KLF8: variants seen among roughly 807,000 people sequenced by gnomAD.
KLF8 encodes the protein Krueppel-like factor 8.
KLF8 carries 10 observed loss-of-function variants against 18.2 expected under a neutral mutation model. The observed-to-expected ratio is 0.55, with a 90% CI of 0.34 to 0.93. The LOEUF (loss-of-function observed/expected upper bound fraction) is 0.93, where lower values mean the gene tolerates loss of function less well. Among genes scored for constraint, KLF8 ranks in the 40% least tolerant of loss-of-function variants. The pLI, the probability that KLF8 is intolerant of heterozygous loss-of-function variation, is 0.02. For missense variants in KLF8, 264 were observed against 277.9 expected, an observed-to-expected ratio of 0.95 and a Z score of 0.36; for synonymous variants, 109 against 97.3, an observed-to-expected ratio of 1.12 and a Z score of -0.71.
chrX:56,141,322 G>A, the KLF8 span, among the ~76,000 whole-genome samples: 1 of 111,638 alleles, frequency 9.0e-6, no homozygotes, highest in South Asian at 3.7e-4. Flanking sequence ...ATTTTCCTAT[G>A]AATTTCCAAT....
the KLF8 span, among the ~76,000 whole-genome samples, chrX:56,031,822 G>A: frequency 9.0e-6 from 1 of 111,410 alleles, no homozygotes; most frequent in South Asian, 3.9e-4. Context: ...CAAAATCCGA[G>A]CTCCCCGAGT....
the KLF8 span, among the ~76,000 whole-genome samples, chrX:55,979,904 C>G: frequency 9.0e-6 from 1 of 110,609 alleles, no homozygotes; most frequent in Non-Finnish European, 1.9e-5. Flanking sequence ...ATGGGAATAC[C>G]AGGAAATAGA....
the KLF8 span, among the ~76,000 whole-genome samples, chrX:56,145,294 G>A: frequency 1.8e-5 from 2 of 111,670 alleles, no homozygotes; most frequent in Non-Finnish European, 3.8e-5. Flanking sequence ...CAACTAGATT[G>A]GAAAATAACA....
chrX:55,961,391 G>C, the KLF8 span: 12 of 494,738 alleles, frequency 2.4e-5, 1 homozygote, highest in South Asian at 2.8e-4. Flanking sequence ...ATGAATCTGG[G>C]AGTTTGTGTC....
the KLF8 span, among the ~76,000 whole-genome samples, chrX:55,924,500 A>G: frequency 2.7e-5 from 3 of 111,745 alleles, no homozygotes; most frequent in African/African-American, 9.8e-5. Context: ...AAGGTTCATG[A>G]AGGCTTGGAT....
chrX:56,028,638 G>A, the KLF8 span, among the ~76,000 whole-genome samples: 5 of 111,653 alleles, frequency 4.5e-5, no homozygotes, highest in Admixed American at 1.9e-4. Context: ...ACTTCTGGAT[G>A]TCTCGAGCCA....
the KLF8 span, among the ~76,000 whole-genome samples, chrX:56,184,034 G>A: frequency 1.8e-5 from 2 of 112,147 alleles, no homozygotes; most frequent in South Asian, 3.7e-4. Flanking sequence ...GACAGTGGGT[G>A]CAGTGCACCA....
chrX:56,200,300 TA>T, the KLF8 span, among the ~76,000 whole-genome samples: 4 of 109,502 alleles, frequency 3.7e-5, no homozygotes, highest in African/African-American at 1.3e-4. Context: ...ACTTAAGAAT[TA>T]AAAAAAGGTG....
the KLF8 span, among the ~76,000 whole-genome samples, chrX:56,032,170 G>A: frequency 1.8e-5 from 2 of 110,860 alleles, no homozygotes; most frequent in African/African-American, 6.6e-5. Flanking sequence ...CAGGTACCGA[G>A]TATAAAACAA....
the KLF8 span, among the ~76,000 whole-genome samples, chrX:56,047,148 T>A: frequency 9.0e-6 from 1 of 111,037 alleles, no homozygotes. Context: ...TATTTGACTC[T>A]ATTGCTGAGA....
At chrX:56,216,812 A>G in the KLF8 span, among the ~76,000 whole-genome samples, 1 of 110,600 alleles carries the variant, frequency 9.0e-6, no homozygotes, top group African/African-American at 3.3e-5. Context: ...TTGAACATGT[A>G]TGGTCCCTCC....
the KLF8 span, among the ~76,000 whole-genome samples, chrX:56,198,381 T>G: frequency 2.7e-5 from 3 of 112,232 alleles, no homozygotes; most frequent in African/African-American, 9.7e-5. Context: ...ATAAGCAACT[T>G]CAGCAAAGTC....
the KLF8 span, among the ~76,000 whole-genome samples, chrX:55,935,318 A>G: frequency 8.9e-6 from 1 of 111,925 alleles, no homozygotes; most frequent in Non-Finnish European, 1.9e-5. Context: ...CCTGCTCCAA[A>G]TGTGGTCCAT....
At chrX:55,988,199 A>C in the KLF8 span, among the ~76,000 whole-genome samples, 1 of 111,098 alleles carries the variant, frequency 9.0e-6, no homozygotes, top group Non-Finnish European at 1.9e-5. Context: ...GAAGCTCTTT[A>C]GTTTAATTAG....
At chrX:56,178,587 A>G in the KLF8 span, among the ~76,000 whole-genome samples, 2 of 112,136 alleles carry the variant, frequency 1.8e-5, no homozygotes, top group African/African-American at 3.2e-5. Context: ...GAATTGGCTC[A>G]GTTTTCTTCT....
At chrX:56,033,024 AAAT>A in the KLF8 span, among the ~76,000 whole-genome samples, 1 of 111,922 alleles carries the variant, frequency 8.9e-6, no homozygotes, top group African/African-American at 3.2e-5. Context: ...ATACATTAAC[AAAT>A]AATAATTCTA....
chrX:56,203,091 A>G, the KLF8 span, among the ~76,000 whole-genome samples: 1 of 111,266 alleles, frequency 9.0e-6, no homozygotes, highest in Non-Finnish European at 1.9e-5. Flanking sequence ...AACATTTATT[A>G]TTGTCTGTGT....
intron 5 of KLF8, among the ~76,000 whole-genome samples, chrX:56,283,501 A>C (rs2067229086): frequency 9.2e-6 from 1 of 108,582 alleles, no homozygotes; most frequent in African/African-American, 3.4e-5. Flanking sequence ...CCTCCTGGGT[A>C]GCTGGAACTA....
chrX:56,042,340 G>A, the KLF8 span, among the ~76,000 whole-genome samples: 1 of 111,718 alleles, frequency 9.0e-6, no homozygotes, highest in South Asian at 3.7e-4. Context: ...TGAGAAGAAT[G>A]TATATTCTGT....
Sources: gnomAD v4.1 joint callset for allele counts (sites outside exome capture counted in the v4.1 genomes callset) on GRCh38, gnomAD v4.1.1 for gene constraint, MANE v1.5 for transcripts, NCBI Gene and HGNC (gene_info 2026-07-23, HGNC 2026-07-21) for gene names.